Variants in CPA4 observed in about 807,000 individuals in gnomAD.
CPA4 encodes carboxypeptidase A4, also known as carboxypeptidase A3.
Under a neutral mutation model 54.7 loss-of-function variants are expected in CPA4, and 49 were observed. That is an observed-to-expected ratio of 0.90 (90% confidence interval 0.71 to 1.14). The LOEUF is 1.14. Among genes scored for constraint, CPA4 ranks in the 50% most tolerant of loss-of-function variants. The probability of loss-of-function intolerance (pLI) is 0.00; values close to 1 mark genes in which losing one functional copy is unlikely to be tolerated. For missense variants in CPA4, 487 were observed against 525.1 expected (o/e 0.93, Z 0.71); for synonymous variants, 215 against 206.8 (o/e 1.04, Z -0.34).
In CPA4 at chr7:130,293,217, T is replaced by C; in HGVS notation, c.37T>C (p.Ser13Pro). 1 of 1,612,846 alleles carries C rather than the reference T, an allele frequency of 6.2e-7. No individual in the cohort carries two copies. ...WILFIGALIG[S>P]SICGQEKFFG... ...ACTGTTCATTGGGGCCCTTATTGGG[T>C]CCAGCATCTGTGGCCAAGAAAAATT... Residue 13 changes from serine to proline, a missense_variant, in exon 1 of 11, where the codon TCC becomes CCC. Coordinates refer to ENST00000222482, the MANE Select transcript of CPA4 (RefSeq NM_016352.4).
intron 5 of CPA4, 98 bp downstream of exon 5, chr7:130,304,677 C>A: frequency 1.3e-6 from 1 of 797,250 alleles, no homozygotes; most frequent in South Asian, 1.4e-5. Flanking sequence ...TCCTTGACTT[C>A]AGGGAGGAAA....
chr7:130,299,309 G>A lies in CPA4; in HGVS notation c.190G>A (p.Val64Met), dbSNP rs147300611. 9.3e-6 allele frequency: 15 copies of A among 1,613,674 alleles called. 1 individual carries two copies. The African/African-American group carries it at 1.1e-4, about 11-fold the overall frequency. ...ATCTCCCTCCTCCTTCAATCGGCCT[G>A]TGGATGTCCTGGTCCCATCTGTCAG... Reference protein sequence around the residue: ...WKSPSSFNRPVDVLVPSVSLQ... With the variant: ...WKSPSSFNRPMDVLVPSVSLQ... Residue 64 changes from valine to methionine, a missense_variant, in exon 3 of 11, where the codon GTG becomes ATG. Coordinates refer to ENST00000222482, the MANE Select transcript of CPA4 (RefSeq NM_016352.4).
In CPA4 at chr7:130,312,041, A is replaced by T. The variant is rs756338620; in HGVS notation, c.997A>T (p.Lys333Ter). ...TCCACGGATTCCCCCTTCCCAGGAC[A>T]AGGTGGCGAGGCTTGCGGCCAAAGC... Reference protein sequence around the residue: ...KKAPDAEELDKVARLAAKALA... With the variant: ...KKAPDAEELD Residue 333 changes from lysine to a stop codon, truncating the protein, a stop_gained, in exon 10 of 11, where the codon AAG becomes TAG. Coordinates refer to ENST00000222482, the MANE Select transcript of CPA4 (RefSeq NM_016352.4). LOFTEE classifies it high-confidence loss of function. 1 of 1,613,872 alleles carries T rather than the reference A, an allele frequency of 6.2e-7. No homozygotes were observed. Among genetic ancestry groups the T allele is most frequent in the Non-Finnish European group, 8.5e-7 (1 of 1,179,760 alleles).
intron 1 of CPA4, among the ~76,000 whole-genome samples, chr7:130,296,363 T>C (rs867686005): frequency 4.2e-4 from 64 of 152,286 alleles, no homozygotes; most frequent in African/African-American, 1.4e-3. Context: ...ATGAAATGGG[T>C]TTGTGGATTT....
At chr7:130,304,069 G>A (rs1209661533) in intron 4 of CPA4, among the ~76,000 whole-genome samples, 1 of 151,584 alleles carries the variant, frequency 6.6e-6, no homozygotes, top group Admixed American at 6.6e-5. Flanking sequence ...GTCTCACTAT[G>A]TTGCCCAGGC....
chr7:130,311,092 A>G (rs998129019), intron 9 of CPA4, 106 bp downstream of exon 9: 14 of 860,938 alleles, frequency 1.6e-5, no homozygotes, highest in Middle Eastern at 3.4e-4. Flanking sequence ...GAGCCTAGGC[A>G]TGTTTCATTG....
chr7:130,309,444 C>A (rs1457814779), intron 8 of CPA4, among the ~76,000 whole-genome samples: 1 of 152,122 alleles, frequency 6.6e-6, no homozygotes, highest in African/African-American at 2.4e-5. Flanking sequence ...CACTCCAGTA[C>A]CCTTAGATGT....
In CPA4 at chr7:130,296,197, C is replaced by G. The variant is rs955921097; in HGVS notation, c.69-2549C>G. 3.0e-4 allele frequency among the ~76,000 whole-genome samples: 45 copies of G among 152,186 alleles called. 1 individual carries two copies. Among genetic ancestry groups the G allele is most frequent in the African/African-American group, 1.0e-3 (42 of 41,526 alleles). On this transcript the variant is annotated intron_variant, in intron 1 of 10. Transcript: ENST00000222482. ...GCGTGTACAAAAGCATACAAAAGTA[C>G]GCGGTGAGTTTGGGCTGGGTCCGAG...
chr7:130,307,602 C>A (rs1793843116), intron 7 of CPA4, among the ~76,000 whole-genome samples: 1 of 143,064 alleles, frequency 7.0e-6, no homozygotes, highest in Non-Finnish European at 1.5e-5. Flanking sequence ...ACTGCTCCAG[C>A]CTGGGCGACA....
At chr7:130,302,560 G>A (rs1019166512) in intron 4 of CPA4, among the ~76,000 whole-genome samples, 2 of 152,030 alleles carry the variant, frequency 1.3e-5, no homozygotes, top group Admixed American at 6.5e-5. Flanking sequence ...TCTCTAGTGG[G>A]AATTTCATGT....
At chr7:130,304,161 T>A (rs746685592) in intron 4 of CPA4, among the ~76,000 whole-genome samples, 8 of 152,210 alleles carry the variant, frequency 5.3e-5, no homozygotes, top group Non-Finnish European at 8.8e-5. Flanking sequence ...TCACTGTGCC[T>A]GGCCGCTTGT....
intron 9 of CPA4, among the ~76,000 whole-genome samples, chr7:130,311,585 C>T (rs1362730529): frequency 6.6e-6 from 1 of 151,482 alleles, no homozygotes; most frequent in East Asian, 1.9e-4. Context: ...CTATGGCGGT[C>T]CTTCTCCTCC....
At chr7:130,318,824 G>A (rs562393089) in intron 10 of CPA4, among the ~76,000 whole-genome samples, 21 of 152,140 alleles carry the variant, frequency 1.4e-4, no homozygotes, top group African/African-American at 5.1e-4. Context: ...TCTATCCAAC[G>A]CCATAGGTTA....
intron 8 of CPA4, among the ~76,000 whole-genome samples, chr7:130,309,954 A>G (rs1793885959): frequency 6.6e-6 from 1 of 152,050 alleles, no homozygotes; most frequent in South Asian, 2.1e-4. Flanking sequence ...TTTTGTGAAG[A>G]TGGGGTTTTG....
Position 130,322,599 on chromosome 7 carries a change from C to T in CPA4, c.1189C>T (p.Gln397Ter), listed in dbSNP as rs140557164. 1.6e-4 allele frequency: 255 copies of T among 1,614,198 alleles called. No individual in the cohort carries two copies. Among genetic ancestry groups the T allele is most frequent in the Non-Finnish European group, 2.5e-5 (30 of 1,180,030 alleles). Residue 397 changes from glutamine to a stop codon, truncating the protein, a stop_gained, in exon 11 of 11, where the codon CAG (glutamine) becomes TAG (stop). Coordinates refer to ENST00000222482, the MANE Select transcript of CPA4 (RefSeq NM_016352.4). LOFTEE classifies it high-confidence loss of function. ...CTATGGCTTCCTCCTGCCAGCTAAC[C>T]AGATCATCCCCACTGCAGAGGAGAC... ...GTYGFLLPAN[Q>*]IIPTAEETWL...
At chr7:130,300,763 C>A (rs568577388) in intron 3 of CPA4, 53 bp from the exon 4 acceptor site, 1 of 1,316,798 alleles carries the variant, frequency 7.6e-7, no homozygotes, top group African/African-American at 1.4e-5. Flanking sequence ...GCAGAAAAAA[C>A]ATAAACCTGC....
At position 130,298,783 on chromosome 7, in the gene CPA4, G is replaced by T. The variant is rs138137136; in HGVS notation, c.106G>T (p.Glu36Ter). ...VLRINVRNGDEISKLSQLVNS... is the reference protein window; with the variant it reads ...VLRINVRNGD ...GAGGATTAATGTCAGAAATGGAGAC[G>T]AGATCAGCAAATTGAGTCAACTAGT... Residue 36 changes from glutamate to a stop codon, truncating the protein, a stop_gained, in exon 2 of 11, where the codon GAG becomes TAG. Coordinates refer to ENST00000222482, the MANE Select transcript of CPA4 (RefSeq NM_016352.4). LOFTEE classifies it high-confidence loss of function. 3.1e-6 allele frequency: 5 copies of T among 1,612,534 alleles called. No individual in the cohort carries two copies. The East Asian group carries it at 1.1e-4, about 36-fold the overall frequency.
rs1794161116 is a variant in CPA4, at chr7:130,323,630, T to G, written c.*954T>G. The G allele has an allele frequency of 6.6e-6, 1 of 152,202 alleles. No homozygotes were observed. The highest frequency in any genetic ancestry group is 2.1e-4 in the South Asian group (1 of 4,818). The allele number at this position is 152,202 out of a possible 1,614,324, so 9.4% of individuals were successfully genotyped here. Reference sequence around the variant, plus strand: ...CTCCTCTCTTCCCTTTGTTATTCAGTGTGACCAGGATGGCGGGAGGGGATC... The same window carrying G: ...CTCCTCTCTTCCCTTTGTTATTCAGGGTGACCAGGATGGCGGGAGGGGATC... On this transcript the variant is annotated 3_prime_UTR_variant, in exon 11 of 11. Coordinates refer to ENST00000222482, the MANE Select transcript of CPA4 (RefSeq NM_016352.4).
In CPA4 at chr7:130,300,854, T is replaced by C. The variant is rs768696717; in HGVS notation, c.324T>C (p.Asn108=). 9.3e-6 allele frequency: 15 copies of C among 1,613,898 alleles called. No individual in the cohort carries two copies. In the African/African-American group the frequency reaches 1.9e-4, roughly 20 times the overall value. ...ATGAAGATGATGAAATGCAACACAA[T>C]GAAGGGCAAGAACGGAGCAGTAATA... ...LDNEDDEMQH[N]EGQERSSNNF... The change falls in exon 4 of 11, where the codon AAT becomes AAC. Residue 108 remains asparagine, a synonymous_variant. Transcript: ENST00000222482.
Sources: gnomAD v4.1 joint callset for allele counts (sites outside exome capture counted in the v4.1 genomes callset) on GRCh38, gnomAD v4.1.1 for gene constraint, MANE v1.5 for transcripts, NCBI Gene and HGNC (gene_info 2026-07-23, HGNC 2026-07-21) for gene names.